Variants in KCNA2 observed in about 807,000 individuals in gnomAD.
KCNA2 encodes potassium channel, voltage gated shaker related subfamily A, member 2.
A neutral mutation model predicts 33.4 loss-of-function variants in KCNA2; 11 were observed. That is an observed-to-expected ratio of 0.33 (90% CI 0.21 to 0.55). The LOEUF is 0.55. Among genes scored for constraint, KCNA2 ranks in the 20% least tolerant of loss-of-function variants. The pLI is 0.93. For synonymous variants in KCNA2, 222 were observed against 231.3 expected (o/e 0.96, Z 0.37); for missense variants, 291 against 621.6 (o/e 0.47, Z 5.66).
chr1:110,620,061 A>C (rs1395785443), intron 1 of KCNA2, among the ~76,000 whole-genome samples: 2 of 139,718 alleles, frequency 1.4e-5, no homozygotes, highest in Non-Finnish European at 3.1e-5. Flanking sequence ...AGCGAGAGAG[A>C]GAGAGAGAGA....
Position 110,603,943 on chromosome 1 carries a change from G to A in KCNA2, c.840C>T (p.Asp280=), listed in dbSNP as rs571429123. 1.5e-5 allele frequency: 24 copies of A among 1,614,164 alleles called. No homozygotes were observed. Among genetic ancestry groups the A allele is most frequent in the East Asian group, 1.1e-4 (5 of 44,872 alleles). The change falls in exon 3 of 3, where the codon GAC becomes GAT. Residue 280 remains aspartate, a synonymous_variant. Coordinates refer to ENST00000316361, the MANE Select transcript of KCNA2 (RefSeq NM_004974.4). This position sits in a 1 kb window ranked among gnomAD's most constrained non-coding sequence, Gnocchi z 5.7. ...LGTELAEKPE[D]AQQGQQAMSL... is the part of the protein sequence containing the mutation. Reference sequence around the variant, plus strand: ...ACATGGCCTGCTGGCCTTGCTGAGCGTCCTCTGGCTTCTCAGCCAACTCTG... The same window carrying A: ...ACATGGCCTGCTGGCCTTGCTGAGCATCCTCTGGCTTCTCAGCCAACTCTG...
At chr1:110,621,286 A>G (rs947413889) in intron 1 of KCNA2, among the ~76,000 whole-genome samples, 5 of 152,276 alleles carry the variant, frequency 3.3e-5, no homozygotes, top group African/African-American at 9.6e-5. Flanking sequence ...CCTTAGCCCA[A>G]TAAAATACAT....
rs1649269204 is a variant in KCNA2 at position 110,600,062 on chromosome 1, G to C, written c.*3221C>G. 1 of 984,210 alleles carries C rather than the reference G, an allele frequency of 1.0e-6. No individual in the cohort carries two copies. Among genetic ancestry groups the C allele is most frequent in the Non-Finnish European group, 1.2e-6 (1 of 829,878 alleles). The allele number at this position is 984,210 out of a possible 1,614,324, so 61.0% of individuals were successfully genotyped here. On this transcript the variant is annotated 3_prime_UTR_variant, in exon 3 of 3. Coordinates refer to ENST00000316361, the MANE Select transcript of KCNA2 (RefSeq NM_004974.4). ...AATCTGGTAGTGAGAGAAAAGAATA[G>C]AGAAAGAGATTCCTTGAAAGATCCT...
chr1:110,609,320 A>G (rs1649792277), upstream of KCNA2, among the ~76,000 whole-genome samples: 1 of 152,230 alleles, frequency 6.6e-6, no homozygotes, highest in African/African-American at 2.4e-5. Context: ...ATCAATCGTC[A>G]TAATTGGTGA....
chr1:110,615,225 A>G (rs1650010152), intron 1 of KCNA2, among the ~76,000 whole-genome samples: 1 of 152,102 alleles, frequency 6.6e-6, no homozygotes. Context: ...CCTGCCACAC[A>G]CCACTTACCT....
At chr1:110,618,073 G>A (rs530517464) in intron 1 of KCNA2, among the ~76,000 whole-genome samples, 5 of 152,296 alleles carry the variant, frequency 3.3e-5, no homozygotes, top group East Asian at 1.9e-4. Context: ...TGGGTGCGGC[G>A]GCTCATGCCT....
chr1:110,595,232 G>A lies in KCNA2; in HGVS notation c.*8051C>T. 2 of 985,420 alleles carry A rather than the reference G, an allele frequency of 2.0e-6. No individual in the cohort carries two copies. Among genetic ancestry groups the A allele is most frequent in the Non-Finnish European group, 2.4e-6 (2 of 829,928 alleles). 61.0% of individuals were successfully genotyped at this position (985,420 alleles called of 1,614,324 possible). On this transcript the variant is annotated 3_prime_UTR_variant, in exon 3 of 3. Coordinates refer to ENST00000316361, the MANE Select transcript of KCNA2 (RefSeq NM_004974.4). Reference sequence around the variant, plus strand: ...GTGCATCCATCAGTGGAATGATGCAGGGAGTTCTCAGCTGCAAACTCATCT... The same window carrying A: ...GTGCATCCATCAGTGGAATGATGCAAGGAGTTCTCAGCTGCAAACTCATCT...
Position 110,594,949 on chromosome 1 carries a change from C to T in KCNA2, c.*8334G>A, listed in dbSNP as rs151155149. The T allele has an allele frequency of 4.6e-5, 45 of 985,472 alleles. No homozygotes were observed. The East Asian group carries it at 4.3e-3, about 94-fold the overall frequency. 61.0% of individuals were successfully genotyped at this position (985,472 alleles called of 1,614,324 possible). A position where few individuals can be genotyped will look rare whatever the true frequency, so the allele number is the denominator to read the frequency against. On this transcript the variant is annotated 3_prime_UTR_variant, in exon 3 of 3. Coordinates refer to ENST00000316361, the MANE Select transcript of KCNA2 (RefSeq NM_004974.4). ...GTAGCAAAGTGCGCCCCTGAATATT[C>T]TCTTCCTCCCAGCTCCTCCTATTGC...
chr1:110,601,621 A>G lies in KCNA2; in HGVS notation c.*1662T>C. Reference sequence around the variant, plus strand: ...CATGGAGGGCAGAAAGACAATTCTAACGTCTAGGAATCCATGGATACCGGA... The same window carrying G: ...CATGGAGGGCAGAAAGACAATTCTAGCGTCTAGGAATCCATGGATACCGGA... On this transcript the variant is annotated 3_prime_UTR_variant, in exon 3 of 3. Transcript: ENST00000316361. 2.0e-6 allele frequency: 2 copies of G among 1,004,178 alleles called. No individual in the cohort carries two copies. Among genetic ancestry groups the G allele is most frequent in the Non-Finnish European group, 2.4e-6 (2 of 842,512 alleles). 62.2% of individuals were successfully genotyped at this position (1,004,178 alleles called of 1,614,324 possible).
intron 1 of KCNA2, among the ~76,000 whole-genome samples, chr1:110,625,026 A>G (rs34897026): frequency 0.015 from 2,321 of 152,342 alleles, 33 homozygotes; most frequent in Non-Finnish European, 0.026. Flanking sequence ...TTAAGACTTC[A>G]TCTCCAAGTC....
Position 110,596,778 on chromosome 1 carries a change from T to C in KCNA2, c.*6505A>G. ...AACCAAAATTGCAAAGCAATCAGGA[T>C]GTTCCTGTCCCTGAGGTTTCCCCAT... On this transcript the variant is annotated 3_prime_UTR_variant, in exon 3 of 3. Coordinates refer to ENST00000316361, the MANE Select transcript of KCNA2 (RefSeq NM_004974.4). The C allele has an allele frequency of 5.1e-6, 5 of 985,446 alleles. No homozygotes were observed. Among genetic ancestry groups the C allele is most frequent in the Non-Finnish European group, 6.0e-6 (5 of 829,920 alleles). The allele number at this position is 985,446 out of a possible 1,614,324, so 61.0% of individuals were successfully genotyped here. A position where few individuals can be genotyped will look rare whatever the true frequency, so the allele number is the denominator to read the frequency against.
chr1:110,604,798 A>C lies in KCNA2; in HGVS notation c.-16T>G. The C allele has an allele frequency of 1.2e-6, 2 of 1,602,550 alleles. No homozygotes were observed. The highest frequency in any genetic ancestry group is 1.7e-6 in the Non-Finnish European group (2 of 1,173,850). ...CCACTGTCATAATTGGGACTGAGAG[A>C]AGCACCTCACGCTATGCCTTTCAGC... On this transcript the variant is annotated 5_prime_UTR_variant, in exon 3 of 3. Transcript: ENST00000316361. This position sits in a 1 kb window ranked among gnomAD's most constrained non-coding sequence, Gnocchi z 7.6.
Position 110,602,269 on chromosome 1 carries a change from TTCTGATGGG to T in KCNA2, c.*1005_*1013del. ...TTCCCCTGATGGAGGGATTTTTGCC[TTCTGATGGG>T]AAAAAAACCCCTAGTTCAAGACCAT... On this transcript the variant is annotated 3_prime_UTR_variant, in exon 3 of 3. Transcript: ENST00000316361. The T allele has an allele frequency of 6.6e-7, 1 of 1,512,070 alleles. No homozygotes were observed. The highest frequency in any genetic ancestry group is 2.1e-5 in the Admixed American group (1 of 47,792). The allele number at this position is 1,512,070 out of a possible 1,614,324, so 93.7% of individuals were successfully genotyped here. A position where few individuals can be genotyped will look rare whatever the true frequency, so the allele number is the denominator to read the frequency against.
upstream of KCNA2, among the ~76,000 whole-genome samples, chr1:110,608,433 C>A (rs1649754307): frequency 6.6e-6 from 1 of 152,180 alleles, no homozygotes; most frequent in Non-Finnish European, 1.5e-5. Flanking sequence ...ACCAGGAAGT[C>A]CCCACTGGGC....
Position 110,597,665 on chromosome 1 carries a change from C to T in KCNA2, c.*5618G>A. The stretch of plus-strand genomic sequence containing the variant: ...GTGAACACGTGGGAAGAAGAAGAAA[C>T]TACAGAGACTGTGAATGAGCCCCCA... On this transcript the variant is annotated 3_prime_UTR_variant, in exon 3 of 3. Transcript: ENST00000316361. The T allele has an allele frequency of 1.0e-6, 1 of 985,416 alleles. No homozygotes were observed. Among genetic ancestry groups the T allele is most frequent in the Non-Finnish European group, 1.2e-6 (1 of 829,940 alleles). 61.0% of individuals were successfully genotyped at this position (985,416 alleles called of 1,614,324 possible).
intron 1 of KCNA2, among the ~76,000 whole-genome samples, chr1:110,625,037 T>C (rs1553183333): frequency 6.6e-6 from 1 of 152,250 alleles, no homozygotes; most frequent in Non-Finnish European, 1.5e-5. Context: ...TCTCCAAGTC[T>C]TGGCAACTCT....
At chr1:110,620,075 AG>A (rs1650208054) in intron 1 of KCNA2, among the ~76,000 whole-genome samples, 1 of 145,140 alleles carries the variant, frequency 6.9e-6, no homozygotes, top group Non-Finnish European at 1.5e-5. Flanking sequence ...AGAGAGAGAG[AG>A]AGAGAGAGAG....
At chr1:110,618,774 A>G (rs1650152904) in intron 1 of KCNA2, among the ~76,000 whole-genome samples, 1 of 151,048 alleles carries the variant, frequency 6.6e-6, no homozygotes, top group South Asian at 2.1e-4. Context: ...TCAGGCCCAA[A>G]CCCCGGGACA....
chr1:110,625,145 T>C (rs1362286970), intron 1 of KCNA2, among the ~76,000 whole-genome samples: 1 of 152,258 alleles, frequency 6.6e-6, no homozygotes, highest in Non-Finnish European at 1.5e-5. Context: ...CTAACGGGTC[T>C]GCTACCTTCA....
Sources: gnomAD v4.1 joint callset for allele counts (sites outside exome capture counted in the v4.1 genomes callset) on GRCh38, gnomAD v4.1.1 for gene constraint, Gnocchi (gnomAD v3.1) non-coding constraint, MANE v1.5 for transcripts, NCBI Gene and HGNC (gene_info 2026-07-23, HGNC 2026-07-21) for gene names.